The following DLC1 variants were observed in gnomAD, a reference collection of about 807,000 sequenced individuals.
DLC1 encodes DLC1 Rho GTPase activating protein.
In DLC1, 54 loss-of-function variants were observed where a neutral mutation model predicts 140.3. The observed-to-expected ratio is 0.38, with a 90% CI of 0.31 to 0.48. The LOEUF (loss-of-function observed/expected upper bound fraction) is 0.48. DLC1 is among the 20% of genes least tolerant of loss of function. DLC1 has a pLI of 0.96. For synonymous variants in DLC1, 986 were observed against 728.1 expected (o/e 1.35, Z -5.70); for missense variants, 2,536 against 1,907.0 (o/e 1.33, Z -6.14).
chr8:13,166,930 A>C (rs1262200866), intron 5 of DLC1, among the ~76,000 whole-genome samples: 2 of 152,118 alleles, frequency 1.3e-5, no homozygotes, highest in Admixed American at 1.3e-4. Context: ...GGTGGCAGAA[A>C]AAGAAGCTTC....
intron 2 of DLC1, among the ~76,000 whole-genome samples, chr8:13,406,846 A>C (rs1272905140): frequency 6.6e-6 from 1 of 152,198 alleles, no homozygotes; most frequent in East Asian, 1.9e-4. Flanking sequence ...TTCTTAATGG[A>C]ATAGCCACAG....
At chr8:13,502,055 G>A (rs938306029) in intron 1 of DLC1, among the ~76,000 whole-genome samples, 2 of 152,196 alleles carry the variant, frequency 1.3e-5, no homozygotes, top group Middle Eastern at 6.8e-3. Flanking sequence ...CTGAATTCTG[G>A]TTTCATTTCT....
chr8:13,588,979 C>G (rs990640544), intron 1 of DLC1, among the ~76,000 whole-genome samples: 3 of 152,030 alleles, frequency 2.0e-5, no homozygotes, highest in Non-Finnish European at 4.4e-5. Flanking sequence ...CCCTCACATT[C>G]CTATAAGAGA....
At chr8:13,481,154 G>T (rs1450541386) in intron 2 of DLC1, among the ~76,000 whole-genome samples, 1 of 152,182 alleles carries the variant, frequency 6.6e-6, no homozygotes, top group Non-Finnish European at 1.5e-5. Context: ...GCTGGGTGCA[G>T]TTGCTCACGC....
chr8:13,250,774 G>A (rs878476), intron 5 of DLC1, among the ~76,000 whole-genome samples: 35,520 of 151,740 alleles, frequency 0.23, 4,313 homozygotes, highest in South Asian at 0.34. Context: ...AAGAGAGAGA[G>A]AGAAAGAAAA....
chr8:13,276,707 C>T (rs1017719112), intron 5 of DLC1: 2 of 701,228 alleles, frequency 2.9e-6, no homozygotes, highest in Non-Finnish European at 3.6e-6. Flanking sequence ...GGGTCCGCGC[C>T]GGGCTGCTCC....
intron 4 of DLC1, among the ~76,000 whole-genome samples, chr8:13,377,783 C>G (rs1410142029): frequency 1.3e-5 from 2 of 151,892 alleles, no homozygotes; most frequent in African/African-American, 4.8e-5. Flanking sequence ...AGGCACAAAT[C>G]TTGAATAGGT....
At chr8:13,446,389 C>G (rs899771013) in intron 2 of DLC1, among the ~76,000 whole-genome samples, 1 of 152,160 alleles carries the variant, frequency 6.6e-6, no homozygotes, top group Admixed American at 6.6e-5. Context: ...ACACTCATTT[C>G]TTGTTTTCAT....
chr8:13,153,053 T>C (rs1247501224), intron 5 of DLC1, among the ~76,000 whole-genome samples: 3 of 152,204 alleles, frequency 2.0e-5, no homozygotes, highest in African/African-American at 7.2e-5. Flanking sequence ...TTCCTTAAAA[T>C]TTTTAACATT....
At chr8:13,511,199 T>C (rs1802346822) in intron 1 of DLC1, among the ~76,000 whole-genome samples, 1 of 152,240 alleles carries the variant, frequency 6.6e-6, no homozygotes, top group Non-Finnish European at 1.5e-5. Context: ...ATTGCATTGC[T>C]AAAACACTTT....
At chr8:13,383,486 A>G (rs114217162) in intron 4 of DLC1, among the ~76,000 whole-genome samples, 2,046 of 152,294 alleles carry the variant, frequency 0.013, 68 homozygotes, top group African/African-American at 0.045. Flanking sequence ...CTTTGAACAG[A>G]TGCTATCTTT....
At chr8:13,105,241 G>T (rs1819464106) in intron 7 of DLC1, among the ~76,000 whole-genome samples, 1 of 152,130 alleles carries the variant, frequency 6.6e-6, no homozygotes, top group Admixed American at 6.5e-5. Context: ...TGGCATTACA[G>T]ACCTAAAGCC....
At chr8:13,396,329 G>C (rs1837044076) in intron 3 of DLC1, among the ~76,000 whole-genome samples, 2 of 152,164 alleles carry the variant, frequency 1.3e-5, no homozygotes, top group African/African-American at 4.8e-5. Flanking sequence ...AAAGTGCTGA[G>C]ATTACAGACG....
At chr8:13,423,194 C>A (rs941988285) in intron 2 of DLC1, among the ~76,000 whole-genome samples, 6 of 152,136 alleles carry the variant, frequency 3.9e-5, no homozygotes. Context: ...CTTCACTCAC[C>A]ATTTGTCTTT....
chr8:13,550,527 C>G (rs1051173451), intron 1 of DLC1, among the ~76,000 whole-genome samples: 10 of 152,138 alleles, frequency 6.6e-5, no homozygotes, highest in Non-Finnish European at 1.5e-4. Flanking sequence ...GAAGGTAAGT[C>G]TCACTCATAC....
chr8:13,225,999 A>T (rs1170716910), intron 5 of DLC1, among the ~76,000 whole-genome samples: 1 of 152,024 alleles, frequency 6.6e-6, no homozygotes, highest in Non-Finnish European at 1.5e-5. Flanking sequence ...TGCAGCCTTG[A>T]ACTCCAGGGC....
At chr8:13,550,535 T>TA (rs1216494546) in intron 1 of DLC1, among the ~76,000 whole-genome samples, 2 of 152,300 alleles carry the variant, frequency 1.3e-5, no homozygotes, top group East Asian at 3.9e-4. Context: ...GTCTCACTCA[T>TA]ACCCCATAGT....
chr8:13,132,178 G>C (rs1206418718), intron 5 of DLC1, among the ~76,000 whole-genome samples: 3 of 151,294 alleles, frequency 2.0e-5, no homozygotes, highest in African/African-American at 7.3e-5. Context: ...ACGATTCAGC[G>C]ACCCATCTCC....
chr8:13,415,510 C>G (rs561059710), intron 2 of DLC1, among the ~76,000 whole-genome samples: 1 of 151,846 alleles, frequency 6.6e-6, no homozygotes, highest in Admixed American at 6.6e-5. Context: ...TGCCATTCTC[C>G]TACCTCAGCC....
Sources: allele counts gnomAD v4.1 joint callset (sites outside exome capture counted in the v4.1 genomes callset), GRCh38; gene constraint gnomAD v4.1.1; transcripts MANE v1.5; gene names NCBI Gene and HGNC (gene_info 2026-07-23, HGNC 2026-07-21).